Variants in SLIT2 observed in about 807,000 individuals in gnomAD.
SLIT2 encodes slit guidance ligand 2.
In SLIT2, 41 loss-of-function variants were observed where a neutral mutation model predicts 185.7. That is an observed-to-expected ratio of 0.22 (90% CI 0.17 to 0.29). The LOEUF (loss-of-function observed/expected upper bound fraction) is 0.29, where lower values mean the gene tolerates loss of function less well. Among genes scored for constraint, SLIT2 ranks in the 10% least tolerant of loss-of-function variants. The pLI, the probability that SLIT2 is intolerant of heterozygous loss-of-function variation, is 1.00. For missense variants in SLIT2, 1,571 were observed against 1,909.0 expected, an observed-to-expected ratio of 0.82 and a Z score of 3.30; for synonymous variants, 693 against 680.2, an observed-to-expected ratio of 1.02 and a Z score of -0.29.
chr4:20,292,954 A>G (rs1028750566), intron 4 of SLIT2, among the ~76,000 whole-genome samples: 1 of 152,218 alleles, frequency 6.6e-6, no homozygotes, highest in Non-Finnish European at 1.5e-5. Context: ...TAGAGCAAAA[A>G]TCCTTTCTGA....
intron 26 of SLIT2, among the ~76,000 whole-genome samples, chr4:20,558,473 A>G (rs1724442029): frequency 6.6e-6 from 1 of 152,092 alleles, no homozygotes; most frequent in Admixed American, 6.6e-5. Context: ...AAGGTATTGC[A>G]TTTTAAGACA....
intron 4 of SLIT2, among the ~76,000 whole-genome samples, chr4:20,463,478 TA>T (rs2148734136): frequency 8.6e-6 from 1 of 115,844 alleles, no homozygotes; most frequent in South Asian, 2.8e-4. Flanking sequence ...TATATATATA[TA>T]TATATATATA....
intron 4 of SLIT2, among the ~76,000 whole-genome samples, chr4:20,450,648 A>G (rs898353186): frequency 6.6e-6 from 1 of 152,228 alleles, no homozygotes; most frequent in Non-Finnish European, 1.5e-5. Flanking sequence ...ATTTTTAACT[A>G]TGCAGGTAAT....
chr4:20,617,505 T>C lies in SLIT2; in HGVS notation c.4203T>C (p.His1401=), dbSNP rs1478462615. The change falls in exon 36 of 37, where the codon CAT becomes CAC. Residue 1401 remains histidine (H), a synonymous_variant. Transcript: ENST00000504154. ...ACAGCTGTAAGTGCTTGGAGGGCCATGGAGGTGTCCTCTGTGATGAAGAGG... is the reference window on the plus strand; with the variant it reads ...ACAGCTGTAAGTGCTTGGAGGGCCACGGAGGTGTCCTCTGTGATGAAGAGG... ...FSYSCKCLEG[H]GGVLCDEEED... is the part of the protein sequence containing the mutation. 1 of 1,614,110 alleles carries C rather than the reference T, an allele frequency of 6.2e-7. No individual in the cohort carries two copies.
At chr4:20,319,808 A>AC (rs1718900272) in intron 4 of SLIT2, among the ~76,000 whole-genome samples, 1 of 106,962 alleles carries the variant, frequency 9.3e-6, no homozygotes, top group African/African-American at 2.8e-5. Context: ...CTAAAAAACA[A>AC]AACAAAAAAA....
intron 9 of SLIT2, among the ~76,000 whole-genome samples, chr4:20,500,800 A>G (rs1284637248): frequency 6.6e-6 from 1 of 152,176 alleles, no homozygotes; most frequent in Non-Finnish European, 1.5e-5. Context: ...ATGCCGATGC[A>G]GGCAATTAGA....
chr4:20,510,389 T>A (rs1719598179), intron 9 of SLIT2, 106 bp from the exon 10 acceptor site: 4 of 773,706 alleles, frequency 5.2e-6, no homozygotes, highest in Non-Finnish European at 9.1e-6. Flanking sequence ...AATATATCAC[T>A]CATGAAGAAC....
chr4:20,303,368 AATTT>A (rs1469312092), intron 4 of SLIT2, among the ~76,000 whole-genome samples: 26 of 152,038 alleles, frequency 1.7e-4, no homozygotes, highest in East Asian at 1.2e-3. Flanking sequence ...ATTGAGGAGG[AATTT>A]ATTTATTAGC....
At chr4:20,565,943 G>A (rs1274878738) in intron 26 of SLIT2, among the ~76,000 whole-genome samples, 1 of 151,806 alleles carries the variant, frequency 6.6e-6, no homozygotes, top group African/African-American at 2.4e-5. Context: ...TATTTCCCAG[G>A]GTAAAGGATA....
At chr4:20,281,063 C>T (rs1287401206) in intron 4 of SLIT2, among the ~76,000 whole-genome samples, 2 of 152,084 alleles carry the variant, frequency 1.3e-5, no homozygotes, top group African/African-American at 4.8e-5. Flanking sequence ...AAACTTCACA[C>T]CTCAGGTGAT....
Position 20,406,456 on chromosome 4 carries a change from G to C in SLIT2, c.396-61296G>C, listed in dbSNP as rs1439723276. Among the ~76,000 whole-genome samples the C allele has an allele frequency of 2.1e-5, 3 of 142,996 alleles. 1 individual carries two copies. Among genetic ancestry groups the C allele is most frequent in the African/African-American group, 7.3e-5 (3 of 40,968 alleles). 93.8% of individuals were successfully genotyped at this position (142,996 alleles called of 152,430 possible). A position where few individuals can be genotyped will look rare whatever the true frequency, so the allele number is the denominator to read the frequency against. On this transcript the variant is annotated intron_variant, in intron 4 of 36. Coordinates refer to ENST00000504154, the MANE Select transcript of SLIT2 (RefSeq NM_004787.4). ...CCTCTTACAAATCAATAAGATAAAA[G>C]CAAATAACCCAATAAAAACGAAAGA... is the stretch of plus-strand genomic sequence containing the variant.
At chr4:20,482,488 T>C (rs923492078) in intron 6 of SLIT2, among the ~76,000 whole-genome samples, 1 of 152,038 alleles carries the variant, frequency 6.6e-6, no homozygotes, top group Non-Finnish European at 1.5e-5. Flanking sequence ...TAAACTAATA[T>C]CGTTGTCTTC....
intron 26 of SLIT2, among the ~76,000 whole-genome samples, chr4:20,562,080 G>C (rs1239573031): frequency 1.3e-5 from 2 of 151,768 alleles, no homozygotes; most frequent in Non-Finnish European, 2.9e-5. Context: ...TTTAGCCTTT[G>C]TGTTTTTAGC....
At position 20,486,081 on chromosome 4, in the gene SLIT2, T is replaced by C. The variant is rs1313629726; in HGVS notation, c.540-119T>C. On this transcript the variant is annotated intron_variant, in intron 6 of 36. Coordinates refer to ENST00000504154, the MANE Select transcript of SLIT2 (RefSeq NM_004787.4). ...ATAGAGTAGTGCATTCTCTATGTCA[T>C]CTCTACCAGGTAGCTGTCCTGCATA... The C allele has an allele frequency of 3.3e-5, 22 of 669,714 alleles. 1 individual carries two copies. Among genetic ancestry groups the C allele is most frequent in the Admixed American group, 2.6e-5 (1 of 38,198 alleles). The allele number at this position is 669,714 out of a possible 1,614,324, so 41.5% of individuals were successfully genotyped here.
intron 5 of SLIT2, among the ~76,000 whole-genome samples, chr4:20,478,749 T>C (rs1391106404): frequency 6.6e-6 from 1 of 152,234 alleles, no homozygotes; most frequent in Non-Finnish European, 1.5e-5. Context: ...GGGGTAACAC[T>C]TCATGCCATT....
chr4:20,354,906 TGAGAGAGAGAGA>T (rs35761202), intron 4 of SLIT2, among the ~76,000 whole-genome samples: 9 of 76,996 alleles, frequency 1.2e-4, no homozygotes, highest in African/African-American at 3.9e-4. Context: ...TGTGTGTGTG[TGAGAGAGAGAGA>T]GAGAGAGAGA....
At chr4:20,296,138 A>G (rs1004858758) in intron 4 of SLIT2, among the ~76,000 whole-genome samples, 12 of 152,358 alleles carry the variant, frequency 7.9e-5, no homozygotes, top group Admixed American at 7.8e-4. Flanking sequence ...TATGCTTATG[A>G]GAATAAACTG....
chr4:20,519,003 T>G (rs1278347055), intron 11 of SLIT2, among the ~76,000 whole-genome samples: 2 of 152,216 alleles, frequency 1.3e-5, no homozygotes, highest in Non-Finnish European at 2.9e-5. Flanking sequence ...CTGTATACTC[T>G]TCTATACTTG....
chr4:20,508,258 G>T (rs1158419749), intron 9 of SLIT2, among the ~76,000 whole-genome samples: 1 of 151,930 alleles, frequency 6.6e-6, no homozygotes, highest in Admixed American at 6.6e-5. Context: ...GAGTTAAGAG[G>T]ATGTCCTTGG....
Sources: gnomAD v4.1 joint callset for allele counts (sites outside exome capture counted in the v4.1 genomes callset) on GRCh38, gnomAD v4.1.1 for gene constraint, MANE v1.5 for transcripts, NCBI Gene and HGNC (gene_info 2026-07-23, HGNC 2026-07-21) for gene names.